The following XPNPEP3 variants were observed in gnomAD, a reference collection of about 807,000 sequenced individuals.
XPNPEP3 encodes the protein X-prolyl aminopeptidase 3, also known as xaa-Pro aminopeptidase 3.
Under a neutral mutation model 60.0 loss-of-function variants are expected in XPNPEP3, and 41 were observed. The observed-to-expected ratio is 0.68, with a 90% CI of 0.53 to 0.89. The LOEUF (loss-of-function observed/expected upper bound fraction) is 0.89. XPNPEP3 is among the 40% of genes least tolerant of loss of function. The pLI is 0.00. For missense variants in XPNPEP3, 598 were observed against 638.9 expected, an observed-to-expected ratio of 0.94 and a Z score of 0.69; for synonymous variants, 212 against 223.2, an observed-to-expected ratio of 0.95 and a Z score of 0.45.
intron 7 of XPNPEP3, among the ~76,000 whole-genome samples, chr22:40,919,995 AT>A (rs1375040363): frequency 3.3e-5 from 5 of 152,336 alleles, no homozygotes; most frequent in Admixed American, 3.3e-4. Context: ...TTCCATTTAT[AT>A]GATGTTCTAG....
At chr22:40,895,700 G>T (rs1297522666) in intron 4 of XPNPEP3, among the ~76,000 whole-genome samples, 1 of 151,928 alleles carries the variant, frequency 6.6e-6, no homozygotes, top group Admixed American at 6.6e-5. Flanking sequence ...TTGAACCCTG[G>T]ACTCTCACAT....
intron 1 of XPNPEP3, chr22:40,860,949 A>G (rs1341742862): frequency 9.8e-7 from 1 of 1,021,634 alleles, no homozygotes; most frequent in Non-Finnish European, 1.4e-6. Flanking sequence ...AATGTCCACA[A>G]TCCTGCTAAA....
At chr22:40,872,257 T>C (rs2058009024) in intron 2 of XPNPEP3, among the ~76,000 whole-genome samples, 1 of 152,224 alleles carries the variant, frequency 6.6e-6, no homozygotes, top group African/African-American at 2.4e-5. Context: ...AAACTTGTCA[T>C]TTCCTTAGAG....
chr22:40,869,023 G>T lies in XPNPEP3; in HGVS notation c.89G>T (p.Arg30Met), dbSNP rs1569015441. The change falls in exon 2 of 10, where the codon AGG (arginine) becomes ATG (methionine). Residue 30 changes from arginine to methionine, a missense_variant. Physicochemically the swap from Arg to Met is moderately conservative, Grantham distance 91. Transcript: ENST00000357137. ...GGATGTATGTTGTGTTCACAGCGAA[G>T]GTACTCCCTTCAGCCTGTCCCAGAA... Reference protein sequence around the residue: ...LSGCMLCSQRRYSLQPVPERR... With the variant: ...LSGCMLCSQRMYSLQPVPERR... The T allele has an allele frequency of 6.2e-7, 1 of 1,613,996 alleles. No individual in the cohort carries two copies. Among genetic ancestry groups the T allele is most frequent in the Non-Finnish European group, 8.5e-7 (1 of 1,179,926 alleles).
In XPNPEP3 at chr22:40,931,844, C is replaced by T. The variant is rs561065540; in HGVS notation, c.*5409C>T. Reference sequence around the variant, plus strand: ...TCCTTCAAAACCTTGCTTTTTTCTCCGTTTTTGTAAGGTGAGAAAGGGAAA... The same window carrying T: ...TCCTTCAAAACCTTGCTTTTTTCTCTGTTTTTGTAAGGTGAGAAAGGGAAA... On this transcript the variant is annotated 3_prime_UTR_variant, in exon 10 of 10. Transcript: ENST00000357137. 1.3e-5 allele frequency: 2 copies of T among 152,144 alleles called. No individual in the cohort carries two copies. Among genetic ancestry groups the T allele is most frequent in the South Asian group, 4.2e-4 (2 of 4,816 alleles). The allele number at this position is 152,144 out of a possible 1,614,324, so 9.4% of individuals were successfully genotyped here.
intron 7 of XPNPEP3, among the ~76,000 whole-genome samples, chr22:40,921,263 C>CG (rs1444851885): frequency 6.6e-6 from 1 of 152,032 alleles, no homozygotes; most frequent in Non-Finnish European, 1.5e-5. Context: ...CCTTCTCAGA[C>CG]GGGGGTGGAA....
intron 1 of XPNPEP3, among the ~76,000 whole-genome samples, chr22:40,864,769 C>T (rs2057969831): frequency 6.6e-6 from 1 of 152,120 alleles, no homozygotes; most frequent in African/African-American, 2.4e-5. Context: ...CTATAACCTA[C>T]CTGTTTTATT....
At chr22:40,890,305 T>C (rs975034987) in intron 4 of XPNPEP3, among the ~76,000 whole-genome samples, 1 of 152,038 alleles carries the variant, frequency 6.6e-6, no homozygotes, top group African/African-American at 2.4e-5. Context: ...CCCAGCACTT[T>C]GGGAGGCTGA....
chr22:40,880,850 T>C (rs1297563592), intron 2 of XPNPEP3, among the ~76,000 whole-genome samples: 1 of 151,584 alleles, frequency 6.6e-6, no homozygotes, highest in African/African-American at 2.4e-5. Context: ...AGTTTCATTA[T>C]ATAAAATCTC....
chr22:40,922,745 CAT>C (rs200552752), intron 8 of XPNPEP3, among the ~76,000 whole-genome samples: 2,518 of 149,478 alleles, frequency 0.017, 62 homozygotes, highest in African/African-American at 0.059. Context: ...CACACACACA[CAT>C]ATATATATAC....
chr22:40,880,271 G>GTGA lies in XPNPEP3; in HGVS notation c.182-1498_182-1497insGAT, dbSNP rs879559075. On this transcript the variant is annotated intron_variant, in intron 2 of 9. Coordinates refer to ENST00000357137, the MANE Select transcript of XPNPEP3 (RefSeq NM_022098.4). ...TATAGAAATGGCTGAATAAGTTATGGTCTCTTCACCCCAAGAAATGTCATG... is the reference window on the plus strand; with the variant it reads ...TATAGAAATGGCTGAATAAGTTATGGTGATCTCTTCACCCCAAGAAATGTCATG... Among the ~76,000 whole-genome samples, 772 of 151,950 alleles carry GTGA rather than the reference G, an allele frequency of 5.1e-3. 3 individuals carry two copies. The highest frequency in any genetic ancestry group is 0.017 in the African/African-American group (723 of 41,416).
chr22:40,918,784 T>G (rs1407834810), intron 7 of XPNPEP3, among the ~76,000 whole-genome samples: 2 of 58,624 alleles, frequency 3.4e-5, no homozygotes, highest in Admixed American at 2.7e-4. Flanking sequence ...TTTTGGTGGG[T>G]TTTTTTTTTG....
At chr22:40,899,652 C>G (rs1343893873) in intron 4 of XPNPEP3, among the ~76,000 whole-genome samples, 2 of 151,818 alleles carry the variant, frequency 1.3e-5, no homozygotes, top group African/African-American at 4.8e-5. Flanking sequence ...TACCTCATCT[C>G]TACTAAAAAT....
Position 40,866,353 on chromosome 22 carries a change from G to A in XPNPEP3, c.65-2646G>A, listed in dbSNP as rs78312796. Among the ~76,000 whole-genome samples, 1,285 of 151,938 alleles carry A rather than the reference G, an allele frequency of 8.5e-3. 19 individuals are homozygous for A. The highest frequency in any genetic ancestry group is 0.03 in the African/African-American group (1,247 of 41,452). On this transcript the variant is annotated intron_variant, in intron 1 of 9. Transcript: ENST00000357137. ...AAAATAGAAATCATAGGAGCGTTGG[G>A]GAAGACATCTGAAACAAGCAGAACA...
At chr22:40,858,366 C>T (rs539706820) in intron 1 of XPNPEP3, among the ~76,000 whole-genome samples, 5 of 152,198 alleles carry the variant, frequency 3.3e-5, no homozygotes, top group African/African-American at 1.2e-4. Flanking sequence ...CTCTCTGAGC[C>T]ACCGCCCCAG....
chr22:40,874,360 G>A (rs933683420), intron 2 of XPNPEP3, among the ~76,000 whole-genome samples: 7 of 152,116 alleles, frequency 4.6e-5, no homozygotes, highest in East Asian at 1.9e-4. Context: ...ATATACATAC[G>A]TGCTAGGACT....
intron 1 of XPNPEP3, among the ~76,000 whole-genome samples, chr22:40,866,135 T>G (rs1204187389): frequency 6.6e-6 from 1 of 152,152 alleles, no homozygotes; most frequent in Non-Finnish European, 1.5e-5. Flanking sequence ...TCAAGAATTA[T>G]TCTTAATTCC....
intron 1 of XPNPEP3, chr22:40,860,366 C>T: frequency 5.8e-6 from 1 of 172,858 alleles, no homozygotes; most frequent in Non-Finnish European, 1.2e-5. Flanking sequence ...GTGTGAGCCA[C>T]TGCACCCAGC....
In XPNPEP3 at chr22:40,861,783, T is replaced by C. The variant is rs376914931; in HGVS notation, c.64+4538T>C. On this transcript the variant is annotated intron_variant, in intron 1 of 9. Coordinates refer to ENST00000357137, the MANE Select transcript of XPNPEP3 (RefSeq NM_022098.4). ...ATGACTTCCACCTCCGTTTAATCCTTCTGTGCCATATTTATCATAAATGTC... is the reference window on the plus strand; with the variant it reads ...ATGACTTCCACCTCCGTTTAATCCTCCTGTGCCATATTTATCATAAATGTC... 5.6e-6 allele frequency: 9 copies of C among 1,613,498 alleles called. No homozygotes were observed. The highest frequency in any genetic ancestry group is 4.0e-5 in the African/African-American group (3 of 74,834).
Sources: allele counts gnomAD v4.1 joint callset (sites outside exome capture counted in the v4.1 genomes callset), GRCh38; gene constraint gnomAD v4.1.1; transcripts MANE v1.5; gene names NCBI Gene and HGNC (gene_info 2026-07-23, HGNC 2026-07-21).